Variants in PCDH15 observed in about 807,000 individuals in gnomAD.
PCDH15 encodes the protein protocadherin-15.
In PCDH15, 129 loss-of-function variants were observed where a neutral mutation model predicts 178.5. The ratio of observed to expected loss-of-function variants is 0.72; its 90% confidence interval spans 0.63 to 0.84. The LOEUF (loss-of-function observed/expected upper bound fraction) is 0.84. PCDH15 is among the 40% of genes least tolerant of loss of function. The pLI, the probability that PCDH15 is intolerant of heterozygous loss-of-function variation, is 0.00. For missense variants in PCDH15, 2,230 were observed against 2,099.9 expected, an observed-to-expected ratio of 1.06 and a Z score of -1.21; for synonymous variants, 800 against 732.0, an observed-to-expected ratio of 1.09 and a Z score of -1.50.
At chr10:54,421,846 A>T (rs75902011) in intron 3 of PCDH15, among the ~76,000 whole-genome samples, 3 of 31,190 alleles carry the variant, frequency 9.6e-5, no homozygotes, top group Admixed American at 2.3e-4. Context: ...ATACACACAC[A>T]CTATATATAT....
chr10:54,397,541 C>T (rs1417912547), intron 3 of PCDH15, among the ~76,000 whole-genome samples: 2 of 151,862 alleles, frequency 1.3e-5, no homozygotes, highest in East Asian at 3.9e-4. Context: ...TCAAGAGAAC[C>T]TTAATTAGTC....
intron 2 of PCDH15, among the ~76,000 whole-genome samples, chr10:55,141,094 C>T (rs1838342467): frequency 6.6e-6 from 1 of 151,950 alleles, no homozygotes; most frequent in African/African-American, 2.4e-5. Flanking sequence ...AGTTTGTCTT[C>T]TGCAAAATTT....
At chr10:53,884,397 T>C (rs1589242329) in intron 26 of PCDH15, among the ~76,000 whole-genome samples, 2 of 152,180 alleles carry the variant, frequency 1.3e-5, no homozygotes, top group African/African-American at 2.4e-5. Context: ...GTGGGTGCCA[T>C]TTCTAAACCA....
chr10:54,507,502 A>C (rs961161792), intron 3 of PCDH15, among the ~76,000 whole-genome samples: 4 of 151,860 alleles, frequency 2.6e-5, no homozygotes, highest in Non-Finnish European at 4.4e-5. Flanking sequence ...AGTATGGTAT[A>C]TGGAAAGAAA....
At chr10:55,474,149 T>C (rs1840018487) in intron 2 of PCDH15, among the ~76,000 whole-genome samples, 1 of 152,142 alleles carries the variant, frequency 6.6e-6, no homozygotes, top group Non-Finnish European at 1.5e-5. Context: ...ATCAGATGTG[T>C]GTGCATTAAC....
At chr10:54,119,161 A>G (rs961257837) in intron 15 of PCDH15, among the ~76,000 whole-genome samples, 1 of 152,210 alleles carries the variant, frequency 6.6e-6, no homozygotes, top group Non-Finnish European at 1.5e-5. Context: ...ATGGAAACTC[A>G]GAAATGACAG....
rs181554585 is a variant in PCDH15, at chr10:55,408,427, T to A, written c.-156+219198A>T. Among the ~76,000 whole-genome samples the A allele has an allele frequency of 6.1e-4, 93 of 152,108 alleles. No homozygotes were observed. In the South Asian group the frequency reaches 7.5e-3, roughly 12 times the overall value. On this transcript the variant is annotated intron_variant, in intron 2 of 5. Coordinates refer to the PCDH15 transcript ENST00000613346. ...TCTTGAACTCCTGACCACGTGATCC[T>A]CCTGCCTTGGCATCCCAAAGTGTTG...
intron 1 of PCDH15, among the ~76,000 whole-genome samples, chr10:55,302,830 A>C (rs1372197612): frequency 2.6e-5 from 4 of 152,072 alleles, no homozygotes; most frequent in Non-Finnish European, 5.9e-5. Flanking sequence ...TCCATACTAA[A>C]TCTTCAAGCA....
chr10:54,313,695 T>C (rs902934219), intron 8 of PCDH15, among the ~76,000 whole-genome samples: 1 of 152,118 alleles, frequency 6.6e-6, no homozygotes, highest in Admixed American at 6.6e-5. Flanking sequence ...AGTTAATATT[T>C]GTGCAGAGCT....
At chr10:54,586,696 T>C (rs1052123866) in intron 2 of PCDH15, among the ~76,000 whole-genome samples, 1 of 152,148 alleles carries the variant, frequency 6.6e-6, no homozygotes, top group Non-Finnish European at 1.5e-5. Flanking sequence ...TCAGTCACCA[T>C]GTTTAGTTAA....
chr10:54,504,421 AC>A (rs149024261), intron 3 of PCDH15, among the ~76,000 whole-genome samples: 89 of 152,062 alleles, frequency 5.9e-4, no homozygotes, highest in African/African-American at 2.0e-3. Context: ...CCTTCCCTCC[AC>A]TAGATGGTTA....
At chr10:54,956,824 T>C (rs530486337) in intron 2 of PCDH15, among the ~76,000 whole-genome samples, 11 of 151,824 alleles carry the variant, frequency 7.2e-5, no homozygotes, top group African/African-American at 2.6e-4. Context: ...AATATTTATG[T>C]CACTTAAAAC....
intron 3 of PCDH15, among the ~76,000 whole-genome samples, chr10:54,506,256 A>G (rs1729381462): frequency 6.6e-6 from 1 of 152,070 alleles, no homozygotes; most frequent in Non-Finnish European, 1.5e-5. Flanking sequence ...CTCAATCCAA[A>G]TAAAGCATAT....
chr10:54,270,640 A>G (rs1331885054), intron 8 of PCDH15, among the ~76,000 whole-genome samples: 2 of 152,138 alleles, frequency 1.3e-5, no homozygotes, highest in African/African-American at 2.4e-5. Context: ...ATGTTCCACA[A>G]TGATTCTAAC....
At chr10:54,139,000 A>G (rs1447322367) in intron 14 of PCDH15, among the ~76,000 whole-genome samples, 1 of 152,196 alleles carries the variant, frequency 6.6e-6, no homozygotes, top group Admixed American at 6.6e-5. Flanking sequence ...GTCAACCACA[A>G]TAAGCAAGCT....
At chr10:54,353,126 C>T (rs1328145275) in intron 5 of PCDH15, among the ~76,000 whole-genome samples, 3 of 152,060 alleles carry the variant, frequency 2.0e-5, no homozygotes, top group African/African-American at 4.8e-5. Context: ...GAGAAAATAT[C>T]GTTTGCCAAA....
chr10:54,981,000 G>C (rs1357491023), intron 2 of PCDH15, among the ~76,000 whole-genome samples: 1 of 151,864 alleles, frequency 6.6e-6, no homozygotes, highest in Non-Finnish European at 1.5e-5. Flanking sequence ...GTTCATTTGG[G>C]CCACTTTGAA....
chr10:54,417,800 G>T (rs1206389298), intron 3 of PCDH15, among the ~76,000 whole-genome samples: 2 of 152,056 alleles, frequency 1.3e-5, no homozygotes, highest in South Asian at 4.2e-4. Flanking sequence ...AAAAATATTT[G>T]ATCATTCACA....
intron 2 of PCDH15, among the ~76,000 whole-genome samples, chr10:55,353,025 C>T (rs1313438721): frequency 6.6e-6 from 1 of 152,154 alleles, no homozygotes; most frequent in Non-Finnish European, 1.5e-5. Context: ...CCCGACTGCA[C>T]ATTGCACAAC....
Sources: gnomAD v4.1 joint callset for allele counts (sites outside exome capture counted in the v4.1 genomes callset) on GRCh38, gnomAD v4.1.1 for gene constraint, MANE v1.5 for transcripts, NCBI Gene and HGNC (gene_info 2026-07-23, HGNC 2026-07-21) for gene names.